Variants in PRICKLE1 observed in about 807,000 individuals in gnomAD.
PRICKLE1 encodes the protein prickle-like protein 1.
Under a neutral mutation model 70.2 loss-of-function variants are expected in PRICKLE1, and 14 were observed. The observed-to-expected ratio is 0.20, with a 90% CI of 0.13 to 0.31. PRICKLE1 has a LOEUF of 0.31. Among genes scored for constraint, PRICKLE1 ranks in the 10% least tolerant of loss-of-function variants. The pLI, the probability that PRICKLE1 is intolerant of heterozygous loss-of-function variation, is 1.00. For synonymous variants in PRICKLE1, 357 were observed against 379.9 expected (o/e 0.94, Z 0.70); for missense variants, 821 against 1,026.2 (o/e 0.80, Z 2.73).
chr12:42,501,531 GA>G (rs1162905095), intron 1 of PRICKLE1, among the ~76,000 whole-genome samples: 7 of 73,420 alleles, frequency 9.5e-5, no homozygotes, highest in African/African-American at 5.8e-4. Context: ...AAAAAAAAAA[GA>G]AAAGAAAAGA....
At chr12:42,495,597 T>C (rs1040821106) in intron 1 of PRICKLE1, among the ~76,000 whole-genome samples, 4 of 152,104 alleles carry the variant, frequency 2.6e-5, no homozygotes, top group Admixed American at 6.5e-5. Flanking sequence ...TTTCTTTTTT[T>C]TTTTTCTTTT....
At position 42,551,655 on chromosome 12, in the gene PRICKLE1, C is replaced by T. The variant is rs959093381; in HGVS notation, c.-49+37810G>A. 1.9e-4 allele frequency among the ~76,000 whole-genome samples: 29 copies of T among 152,282 alleles called. 1 individual carries two copies. The highest frequency in any genetic ancestry group is 7.0e-4 in the African/African-American group (29 of 41,538). On this transcript the variant is annotated intron_variant, in intron 1 of 7. Transcript: ENST00000345127. ...AGAGTGGAGGAAAGAGAAACACACA[C>T]ATTAGGGCCAATTGCTTGAAGCTGG...
chr12:42,568,749 C>A (rs1940662355), intron 1 of PRICKLE1, among the ~76,000 whole-genome samples: 1 of 152,136 alleles, frequency 6.6e-6, no homozygotes, highest in African/African-American at 2.4e-5. Flanking sequence ...GCATATATTG[C>A]ATGATGGCGA....
At chr12:42,588,697 C>T (rs957478625) in intron 1 of PRICKLE1, among the ~76,000 whole-genome samples, 3 of 152,150 alleles carry the variant, frequency 2.0e-5, no homozygotes, top group African/African-American at 4.8e-5. Context: ...CAACCCCCAA[C>T]CTCGTTCTTC....
intron 1 of PRICKLE1, among the ~76,000 whole-genome samples, chr12:42,504,036 T>C (rs1593143096): frequency 6.6e-6 from 1 of 150,764 alleles, no homozygotes; most frequent in Non-Finnish European, 1.5e-5. Context: ...AAATCATATG[T>C]GGATTTTAGA....
chr12:42,541,293 T>A (rs890734371), intron 1 of PRICKLE1, among the ~76,000 whole-genome samples: 2 of 152,106 alleles, frequency 1.3e-5, no homozygotes, highest in African/African-American at 2.4e-5. Context: ...ATTATCTGGT[T>A]TGGTTGTTGT....
chr12:42,491,877 G>A (rs1284340788), intron 1 of PRICKLE1, among the ~76,000 whole-genome samples: 1 of 145,908 alleles, frequency 6.9e-6, no homozygotes, highest in Non-Finnish European at 1.5e-5. Flanking sequence ...CCACTTCCCC[G>A]GGTTCAAGTG....
At chr12:42,474,212 C>G (rs1237864441) in intron 1 of PRICKLE1, among the ~76,000 whole-genome samples, 1 of 152,138 alleles carries the variant, frequency 6.6e-6, no homozygotes, top group Non-Finnish European at 1.5e-5. Flanking sequence ...GCGGAGGTTG[C>G]AGTGAGCTGA....
chr12:42,573,791 T>C (rs1940760442), intron 1 of PRICKLE1, among the ~76,000 whole-genome samples: 1 of 152,082 alleles, frequency 6.6e-6, no homozygotes, highest in South Asian at 2.1e-4. Flanking sequence ...CGCCTTGGCC[T>C]CCCAAAATGG....
rs771279388 is a variant in PRICKLE1 at position 42,460,037 on chromosome 12, G to A, written c.2268C>T (p.Gly756=). Residue 756 remains glycine, a synonymous_variant, in exon 8 of 8, where the codon GGC becomes GGT. Transcript: ENST00000345127. ...AAGAACACCAGGAATCATCATCCTC[G>A]CCGTAGAGTCCCAGAAACCGATTCA... ...PGMNRFLGLY[G]EDDDSWCSSS... is the part of the protein sequence containing the mutation. 7.4e-6 allele frequency: 12 copies of A among 1,613,926 alleles called. No individual in the cohort carries two copies. In the South Asian group the frequency reaches 1.3e-4, roughly 18 times the overall value.
chr12:42,588,465 T>C (rs532230099), intron 1 of PRICKLE1, among the ~76,000 whole-genome samples: 6 of 152,234 alleles, frequency 3.9e-5, no homozygotes, highest in Non-Finnish European at 8.8e-5. Flanking sequence ...ATGTTAACTC[T>C]GCAGGAGAGG....
In PRICKLE1 at chr12:42,470,304, G is replaced by A. The variant is rs760293523; in HGVS notation, c.188C>T (p.Pro63Leu). The change falls in exon 3 of 8, where the codon CCC (proline) becomes CTC (leucine). Residue 63 changes from proline to leucine, a missense_variant. By Grantham distance (98) the Pro-to-Leu change is moderately conservative (BLOSUM62 -3). Coordinates refer to ENST00000345127, the MANE Select transcript of PRICKLE1 (RefSeq NM_153026.3). ...PEEKVPYVNS[P>L]GEKHRIKQLL... ...CTGTTTAATCCGATGCTTCTCTCCGGGGCTGTTAACGTAAGGAACTTTTTC... is the reference window on the plus strand; with the variant it reads ...CTGTTTAATCCGATGCTTCTCTCCGAGGCTGTTAACGTAAGGAACTTTTTC... The A allele has an allele frequency of 6.2e-7, 1 of 1,614,018 alleles. No individual in the cohort carries two copies. Among genetic ancestry groups the A allele is most frequent in the South Asian group, 1.1e-5 (1 of 91,078 alleles).
intron 1 of PRICKLE1, among the ~76,000 whole-genome samples, chr12:42,555,944 A>G (rs1940406659): frequency 6.6e-6 from 1 of 152,210 alleles, no homozygotes; most frequent in African/African-American, 2.4e-5. Flanking sequence ...TTTAATCACC[A>G]AATTTGATTT....
At chr12:42,531,697 C>T (rs1939921021) in intron 1 of PRICKLE1, among the ~76,000 whole-genome samples, 1 of 151,930 alleles carries the variant, frequency 6.6e-6, no homozygotes, top group South Asian at 2.1e-4. Context: ...TGGTAGCTAC[C>T]ATTAATTAAT....
intron 2 of PRICKLE1, 124 bp downstream of exon 2, chr12:42,472,261 T>C (rs1224348348): frequency 8.2e-6 from 9 of 1,097,552 alleles, no homozygotes; most frequent in South Asian, 1.3e-5. Context: ...CAAAGAAGAA[T>C]AAGGACTGAG....
intron 7 of PRICKLE1, among the ~76,000 whole-genome samples, chr12:42,461,718 A>G (rs1937843482): frequency 6.6e-6 from 1 of 152,240 alleles, no homozygotes; most frequent in Non-Finnish European, 1.5e-5. Context: ...TTTTGATATA[A>G]TAGGACCCAG....
intron 7 of PRICKLE1, among the ~76,000 whole-genome samples, chr12:42,462,636 C>T (rs952001015): frequency 5.9e-5 from 9 of 152,206 alleles, no homozygotes; most frequent in African/African-American, 2.2e-4. Flanking sequence ...GACAAGTCCA[C>T]AGAAGCCGGG....
Position 42,468,804 on chromosome 12 carries a change from T to G in PRICKLE1, c.410A>C (p.Glu137Ala), listed in dbSNP as rs533095698. 1 of 1,614,144 alleles carries G rather than the reference T, an allele frequency of 6.2e-7. No individual in the cohort carries two copies. Among genetic ancestry groups the G allele is most frequent in the African/African-American group, 1.3e-5 (1 of 75,034 alleles). ...CGCACGGGAGGCGAACACTGCAACT[T>G]CACCTCCATTTATCTTCAAACCACA... Reference protein sequence around the residue: ...EQCGLKINGGEVAVFASRAGP... With the variant: ...EQCGLKINGGAVAVFASRAGP... Residue 137 changes from glutamate (E) to alanine (A), a missense_variant, in exon 5 of 8, where the codon GAA becomes GCA. By Grantham distance (107) the Glu-to-Ala change is moderately radical (BLOSUM62 -1). Coordinates refer to ENST00000345127, the MANE Select transcript of PRICKLE1 (RefSeq NM_153026.3).
At chr12:42,514,871 CT>C (rs1317960603) in intron 1 of PRICKLE1, among the ~76,000 whole-genome samples, 1 of 147,246 alleles carries the variant, frequency 6.8e-6, no homozygotes, top group African/African-American at 2.5e-5. Context: ...ACTACTCTAA[CT>C]TTTTTTAAGG....
Sources: allele counts gnomAD v4.1 joint callset (sites outside exome capture counted in the v4.1 genomes callset), GRCh38; gene constraint gnomAD v4.1.1; transcripts MANE v1.5; gene names NCBI Gene and HGNC (gene_info 2026-07-23, HGNC 2026-07-21).